The following CACNA2D3 variants were observed in gnomAD, a reference collection of about 807,000 sequenced individuals.
CACNA2D3 encodes the protein voltage-dependent calcium channel subunit alpha-2/delta-3.
A neutral mutation model predicts 160.6 loss-of-function variants in CACNA2D3; 60 were observed. The observed-to-expected ratio is 0.37, with a 90% CI of 0.30 to 0.46. The LOEUF (loss-of-function observed/expected upper bound fraction) is 0.46. Ranked by LOEUF, CACNA2D3 falls within the 20% of genes least tolerant of loss-of-function variation. The pLI is 1.00. For synonymous variants in CACNA2D3, 558 were observed against 492.9 expected (o/e 1.13, Z -1.75); for missense variants, 1,205 against 1,365.0 (o/e 0.88, Z 1.85).
intron 3 of CACNA2D3, among the ~76,000 whole-genome samples, chr3:54,382,422 T>C (rs939068263): frequency 6.6e-6 from 1 of 152,216 alleles, no homozygotes; most frequent in African/African-American, 2.4e-5. Context: ...TTGGCAAGCA[T>C]CAGAATTTGA....
intron 4 of CACNA2D3, among the ~76,000 whole-genome samples, chr3:54,431,327 C>CAA (rs538169080): frequency 0.017 from 1,430 of 85,042 alleles, 24 homozygotes; most frequent in African/African-American, 0.051. Context: ...GACTCCGTCT[C>CAA]AAAAAAAAAA....
chr3:54,459,888 G>A lies in CACNA2D3; in HGVS notation c.382-43604G>A, dbSNP rs536956939. Among the ~76,000 whole-genome samples, 62 of 152,272 alleles carry A rather than the reference G, an allele frequency of 4.1e-4. 1 individual carries two copies. Among genetic ancestry groups the A allele is most frequent in the African/African-American group, 1.5e-3 (62 of 41,546 alleles). On this transcript the variant is annotated intron_variant, in intron 4 of 37. Transcript: ENST00000474759. ...ATGGTAATGCCTAGGTTTTCTTGTA[G>A]GGTTTTTATGGTTTTAGGTCTAACA...
intron 27 of CACNA2D3, among the ~76,000 whole-genome samples, chr3:54,949,041 G>A (rs759964782): frequency 6.6e-6 from 1 of 152,122 alleles, no homozygotes; most frequent in Non-Finnish European, 1.5e-5. Context: ...ACTTTTCTTT[G>A]TGTCAGCCCT....
intron 35 of CACNA2D3, among the ~76,000 whole-genome samples, chr3:55,040,398 A>G (rs6780007): frequency 6.6e-6 from 1 of 151,992 alleles, no homozygotes; most frequent in Non-Finnish European, 1.5e-5. Flanking sequence ...CAAAAATAAT[A>G]TTCAAATATC....
At chr3:54,564,251 T>C (rs1167806701) in intron 6 of CACNA2D3, among the ~76,000 whole-genome samples, 2 of 152,208 alleles carry the variant, frequency 1.3e-5, no homozygotes, top group Non-Finnish European at 2.9e-5. Context: ...CCTTAAACTA[T>C]GGTCACGAGG....
At chr3:54,287,800 A>G (rs1304553805) in intron 2 of CACNA2D3, among the ~76,000 whole-genome samples, 1 of 149,654 alleles carries the variant, frequency 6.7e-6, no homozygotes, top group Admixed American at 6.7e-5. Flanking sequence ...CTGCATGGAA[A>G]CTGAACAACC....
chr3:54,609,908 A>C (rs1255933396), intron 9 of CACNA2D3, among the ~76,000 whole-genome samples: 1 of 152,156 alleles, frequency 6.6e-6, no homozygotes, highest in Admixed American at 6.5e-5. Context: ...AAAATAACAG[A>C]AGTATATTGT....
chr3:54,229,409 G>T (rs1701730655), intron 2 of CACNA2D3, among the ~76,000 whole-genome samples: 1 of 152,068 alleles, frequency 6.6e-6, no homozygotes, highest in Non-Finnish European at 1.5e-5. Flanking sequence ...TAGCCAGGAT[G>T]GTCTCAATCT....
At chr3:54,371,582 T>C (rs1410946703) in intron 3 of CACNA2D3, among the ~76,000 whole-genome samples, 1 of 152,230 alleles carries the variant, frequency 6.6e-6, no homozygotes, top group African/African-American at 2.4e-5. Flanking sequence ...GCACATCACA[T>C]CGTGTGCATT....
intron 31 of CACNA2D3, among the ~76,000 whole-genome samples, chr3:54,995,605 CA>C (rs1559458359): frequency 2.0e-5 from 3 of 152,136 alleles, no homozygotes; most frequent in Non-Finnish European, 4.4e-5. Flanking sequence ...TCCAAAAGGC[CA>C]AGTTTCAAAT....
At chr3:54,352,424 T>C (rs1348175178) in intron 3 of CACNA2D3, among the ~76,000 whole-genome samples, 1 of 152,228 alleles carries the variant, frequency 6.6e-6, no homozygotes, top group Non-Finnish European at 1.5e-5. Flanking sequence ...AATAAATGCT[T>C]GTTAAAGTGA....
At chr3:54,906,906 A>G (rs1234586326) in intron 27 of CACNA2D3, among the ~76,000 whole-genome samples, 1 of 152,212 alleles carries the variant, frequency 6.6e-6, no homozygotes, top group Non-Finnish European at 1.5e-5. Context: ...TGAGAGCTGG[A>G]CATTAGAGCA....
At chr3:54,630,219 CCT>C (rs1408171044) in intron 10 of CACNA2D3, among the ~76,000 whole-genome samples, 32 of 152,200 alleles carry the variant, frequency 2.1e-4, no homozygotes, top group Admixed American at 1.2e-3. Context: ...AGAAGTGCCA[CCT>C]CTGTGACCAC....
intron 27 of CACNA2D3, chr3:54,918,896 T>TA: frequency 4.6e-6 from 7 of 1,517,536 alleles, no homozygotes; most frequent in East Asian, 2.3e-5. Context: ...AGTCCCCCTT[T>TA]AAAAAACAAA....
chr3:54,348,753 G>C (rs930449116), intron 3 of CACNA2D3, among the ~76,000 whole-genome samples: 3 of 152,144 alleles, frequency 2.0e-5, no homozygotes, highest in Middle Eastern at 3.2e-3. Flanking sequence ...TTTTGAGACG[G>C]AGTCTCGCTC....
chr3:54,341,744 C>A (rs1249145293), intron 3 of CACNA2D3, among the ~76,000 whole-genome samples: 2 of 152,132 alleles, frequency 1.3e-5, no homozygotes, highest in African/African-American at 4.8e-5. Flanking sequence ...AGATCCAAAT[C>A]TTTATATTAT....
Position 54,122,667 on chromosome 3 carries a change from G to A in CACNA2D3, c.-47G>A, listed in dbSNP as rs1699497800. On this transcript the variant is annotated 5_prime_UTR_variant, in exon 1 of 38. Coordinates refer to ENST00000474759, the MANE Select transcript of CACNA2D3 (RefSeq NM_018398.3). ...CCGCCCGCTCCGCGCAGCTCCCCGC[G>A]GCCGCTCTCGTCGCCGCCGCAGCGG... 9.7e-7 allele frequency: 1 copy of A among 1,028,238 alleles called. No individual in the cohort carries two copies. The highest frequency in any genetic ancestry group is 1.2e-6 in the Non-Finnish European group (1 of 860,208). 63.7% of individuals were successfully genotyped at this position (1,028,238 alleles called of 1,614,324 possible).
chr3:54,408,424 A>T (rs1454286754), intron 4 of CACNA2D3, among the ~76,000 whole-genome samples: 1 of 152,226 alleles, frequency 6.6e-6, no homozygotes, highest in Non-Finnish European at 1.5e-5. Flanking sequence ...TGAAACTTTA[A>T]GGAAGCAGAC....
chr3:54,829,883 A>ATTT (rs1703831702), intron 14 of CACNA2D3, among the ~76,000 whole-genome samples: 5 of 86,760 alleles, frequency 5.8e-5, no homozygotes, highest in African/African-American at 1.4e-4. Context: ...CTTCTTCTTC[A>ATTT]TCTTTTTTTT....
Sources: allele counts gnomAD v4.1 joint callset (sites outside exome capture counted in the v4.1 genomes callset), GRCh38; gene constraint gnomAD v4.1.1; transcripts MANE v1.5; gene names NCBI Gene and HGNC (gene_info 2026-07-23, HGNC 2026-07-21).